The following MAPDA variants were observed in gnomAD, a reference collection of about 807,000 sequenced individuals.
MAPDA encodes the protein N6,N6-dimethyl-AMP deaminase.
chr15:43,335,771 A>G, the MAPDA span: 8 of 1,614,074 alleles, frequency 5.0e-6, no homozygotes, highest in Non-Finnish European at 6.8e-6. Flanking sequence ...GCCAGATCTT[A>G]AAATCCACGA....
chr15:43,342,445 TTAA>T, the MAPDA span, among the ~76,000 whole-genome samples: 2 of 147,902 alleles, frequency 1.4e-5, no homozygotes, highest in Non-Finnish European at 3.0e-5. Context: ...AATATCCCTT[TTAA>T]AAAAAAAAAA....
chr15:43,349,171 A>T, the MAPDA span: 1 of 1,491,866 alleles, frequency 6.7e-7, no homozygotes, highest in Non-Finnish European at 8.9e-7. Flanking sequence ...TAAAAGATGG[A>T]GTGTGTGCTT....
At chr15:43,340,954 A>T in the MAPDA span, among the ~76,000 whole-genome samples, 1 of 152,210 alleles carries the variant, frequency 6.6e-6, no homozygotes, top group East Asian at 1.9e-4. Flanking sequence ...AGTTACTAAA[A>T]TGTAGGTTAT....
chr15:43,345,818 A>G, the MAPDA span: 223 of 1,613,074 alleles, frequency 1.4e-4, no homozygotes, highest in Non-Finnish European at 1.7e-4. Flanking sequence ...CATCTGTGTC[A>G]TATTAGTTTT....
chr15:43,346,814 C>T, the MAPDA span, among the ~76,000 whole-genome samples: 2 of 152,178 alleles, frequency 1.3e-5, no homozygotes, highest in Non-Finnish European at 2.9e-5. Context: ...ACAAGATTCT[C>T]GAGGGCAGGA....
chr15:43,352,105 G>A, the MAPDA span: 1 of 585,742 alleles, frequency 1.7e-6, no homozygotes, highest in Non-Finnish European at 2.8e-6. Flanking sequence ...GTAAATACGT[G>A]TCTTCAACTG....
chr15:43,335,607 G>T, the MAPDA span: 3 of 1,370,718 alleles, frequency 2.2e-6, no homozygotes, highest in Non-Finnish European at 3.0e-6. Context: ...TAAGCAGTTT[G>T]CCTATTGCAA....
At chr15:43,334,227 G>A in the MAPDA span, among the ~76,000 whole-genome samples, 1 of 152,090 alleles carries the variant, frequency 6.6e-6, no homozygotes, top group East Asian at 1.9e-4. Context: ...AGTGACTAAG[G>A]CCACACAGCT....
chr15:43,347,016 G>A, the MAPDA span: 1 of 1,613,134 alleles, frequency 6.2e-7, no homozygotes, highest in South Asian at 1.1e-5. Context: ...TATCTTTAAG[G>A]TAGGACAAGC....
At chr15:43,336,586 G>C in the MAPDA span, 2 of 1,492,790 alleles carry the variant, frequency 1.3e-6, no homozygotes, top group Non-Finnish European at 1.8e-6. Flanking sequence ...GAGTTTCTTT[G>C]ATGACTAGAT....
the MAPDA span, among the ~76,000 whole-genome samples, chr15:43,336,897 T>G: frequency 4.6e-5 from 7 of 152,036 alleles, no homozygotes; most frequent in African/African-American, 1.4e-4. Flanking sequence ...GAAAGAACCA[T>G]GAAGAGCATC....
chr15:43,351,371 G>A, the MAPDA span: 1 of 326,606 alleles, frequency 3.1e-6, no homozygotes, highest in Non-Finnish European at 5.6e-6. Flanking sequence ...AGGCTACAGA[G>A]GGCCAGGGTG....
the MAPDA span, chr15:43,330,434 C>T: frequency 6.4e-7 from 1 of 1,557,198 alleles, no homozygotes. Flanking sequence ...GAGGGCGCTG[C>T]TGTCGTTGGT....
At chr15:43,351,887 C>G in the MAPDA span, 1 of 1,551,656 alleles carries the variant, frequency 6.4e-7, no homozygotes, top group Non-Finnish European at 8.7e-7. Context: ...TCTGACAGCA[C>G]CAGATCTGAA....
At chr15:43,351,519 G>C in the MAPDA span, 2 of 507,994 alleles carry the variant, frequency 3.9e-6, no homozygotes, top group Non-Finnish European at 6.9e-6. Flanking sequence ...GGCTTTAAAA[G>C]CTCCTTAGGT....
the MAPDA span, among the ~76,000 whole-genome samples, chr15:43,336,266 A>G: frequency 1.3e-5 from 2 of 152,004 alleles, no homozygotes; most frequent in African/African-American, 4.8e-5. Flanking sequence ...GCTGGTCTCA[A>G]ACTCCTGGCC....
chr15:43,332,646 CAG>C, the MAPDA span, among the ~76,000 whole-genome samples: 1 of 152,236 alleles, frequency 6.6e-6, no homozygotes, highest in Non-Finnish European at 1.5e-5. Flanking sequence ...AATAATATCT[CAG>C]GGGTTGTTGT....
chr15:43,340,280 A>T, the MAPDA span: 13 of 1,614,008 alleles, frequency 8.1e-6, no homozygotes, highest in African/African-American at 1.6e-4. Context: ...AAAAGATGTC[A>T]TAAAAGAATT....
At chr15:43,339,507 C>T in the MAPDA span, among the ~76,000 whole-genome samples, 1 of 152,184 alleles carries the variant, frequency 6.6e-6, no homozygotes, top group African/African-American at 2.4e-5. Flanking sequence ...CACTCACATG[C>T]TTGTGTGTGT....
Sources: gnomAD v4.1 joint callset for allele counts (sites outside exome capture counted in the v4.1 genomes callset) on GRCh38, gnomAD v4.1.1 for gene constraint, MANE v1.5 for transcripts, NCBI Gene and HGNC (gene_info 2026-07-23, HGNC 2026-07-21) for gene names.